Variants in SNX14 observed in about 807,000 individuals in gnomAD.
SNX14 encodes the protein sorting nexin 14.
Under a neutral mutation model 133.8 loss-of-function variants are expected in SNX14, and 93 were observed. The observed-to-expected ratio is 0.70, with a 90% CI of 0.59 to 0.83. The LOEUF (loss-of-function observed/expected upper bound fraction) is 0.83, where lower values mean the gene tolerates loss of function less well. SNX14 is among the 40% of genes least tolerant of loss of function. The probability of loss-of-function intolerance (pLI) is 0.00; values close to 1 mark genes in which losing one functional copy is unlikely to be tolerated. For missense variants in SNX14, 945 were observed against 1,094.9 expected (o/e 0.86, Z 1.93); for synonymous variants, 368 against 365.6 (o/e 1.01, Z -0.07).
chr6:85,548,186 C>A, intron 9 of SNX14, 115 bp downstream of exon 9: 1 of 723,238 alleles, frequency 1.4e-6, no homozygotes. Context: ...GGGATGGTTG[C>A]ACAACAATAT....
chr6:85,577,374 C>A (rs1164810118), intron 1 of SNX14, among the ~76,000 whole-genome samples: 1 of 152,156 alleles, frequency 6.6e-6, no homozygotes, highest in South Asian at 2.1e-4. Flanking sequence ...GCTGAGATCA[C>A]GCCACTGCAC....
chr6:85,544,959 G>A (rs754376251), intron 12 of SNX14, among the ~76,000 whole-genome samples: 1 of 152,172 alleles, frequency 6.6e-6, no homozygotes, highest in Non-Finnish European at 1.5e-5. Context: ...CCACACATGT[G>A]TAGAAGCCTG....
intron 9 of SNX14, 77 bp from the exon 10 acceptor site, chr6:85,547,627 T>C: frequency 8.1e-6 from 10 of 1,232,478 alleles, no homozygotes; most frequent in East Asian, 2.4e-5. Flanking sequence ...ACTTGTATCA[T>C]ATTATGTAAG....
In SNX14 at chr6:85,528,298, T is replaced by A; in HGVS notation, c.1959A>T (p.Leu653Phe). The change falls in exon 20 of 29, where the codon TTA becomes TTT. Residue 653 changes from leucine (L) to phenylalanine (F), a missense_variant. This residue lies in a region of SNX14 where 412 missense variants were observed against 516.6 expected (regional missense o/e 0.80). Transcript: ENST00000314673. ...CTTGGAACTCTTCCCTCTTTGACTT[T>A]AAGAATTCATAATTTTTGGGGCCAA... ...RIIGPKNYEF[L>F]KSKREEFQEY... 6.2e-7 allele frequency: 1 copy of A among 1,613,444 alleles called. No homozygotes were observed. The highest frequency in any genetic ancestry group is 8.5e-7 in the Non-Finnish European group (1 of 1,179,642).
intron 6 of SNX14, among the ~76,000 whole-genome samples, chr6:85,560,338 G>C (rs1791125509): frequency 6.6e-6 from 1 of 152,074 alleles, no homozygotes; most frequent in Non-Finnish European, 1.5e-5. Flanking sequence ...ACATAATATG[G>C]ATAAACCTTG....
Position 85,593,746 on chromosome 6 carries a change from C to A in SNX14, c.-28G>T, listed in dbSNP as rs1803778001. The A allele has an allele frequency of 6.2e-7, 1 of 1,612,710 alleles. No homozygotes were observed. The highest frequency in any genetic ancestry group is 8.5e-7 in the Non-Finnish European group (1 of 1,179,884). Reference sequence around the variant, plus strand: ...CCGTAACGGCGAGGCCGAGACTGCGCTACTGGCTGAGGCAGAGGTCAAGGC... The same window carrying A: ...CCGTAACGGCGAGGCCGAGACTGCGATACTGGCTGAGGCAGAGGTCAAGGC... On this transcript the variant is annotated 5_prime_UTR_variant, in exon 1 of 29. An upstream open reading frame in the 5' UTR loses its in-frame stop. Coordinates refer to ENST00000314673, the MANE Select transcript of SNX14 (RefSeq NM_153816.6).
intron 20 of SNX14, among the ~76,000 whole-genome samples, chr6:85,527,064 T>C (rs1247544976): frequency 1.3e-5 from 2 of 152,020 alleles, no homozygotes; most frequent in African/African-American, 4.8e-5. Flanking sequence ...AGCAAAACTC[T>C]GTCTCAAAAA....
chr6:85,508,534 T>A, intron 26 of SNX14: 1 of 291,364 alleles, frequency 3.4e-6, no homozygotes, highest in Non-Finnish European at 5.1e-6. Flanking sequence ...CTTTTTATTC[T>A]ATATATTTTC....
intron 7 of SNX14, among the ~76,000 whole-genome samples, chr6:85,551,216 G>T (rs1787715119): frequency 6.6e-6 from 1 of 152,110 alleles, no homozygotes; most frequent in Admixed American, 6.6e-5. Flanking sequence ...ATAGATCCAG[G>T]CCACCATAGC....
At chr6:85,513,227 C>A (rs543460249) in intron 26 of SNX14, among the ~76,000 whole-genome samples, 3 of 152,200 alleles carry the variant, frequency 2.0e-5, no homozygotes, top group African/African-American at 7.2e-5. Context: ...GTTACTACCA[C>A]TCATTTCCTT....
At chr6:85,536,686 A>G (rs1782049965) in intron 17 of SNX14, 106 bp downstream of exon 17, 1 of 1,060,096 alleles carries the variant, frequency 9.4e-7, no homozygotes, top group Non-Finnish European at 1.3e-6. Context: ...AGTATTAAAC[A>G]GAATACACAG....
chr6:85,592,825 T>TAAA lies in SNX14; in HGVS notation c.140+751_140+753dup, dbSNP rs11427677. Among the ~76,000 whole-genome samples, 187 of 130,636 alleles carry TAAA rather than the reference T, an allele frequency of 1.4e-3. 2 individuals carry two copies. The highest frequency in any genetic ancestry group is 4.4e-3 in the African/African-American group (155 of 35,066). The allele number at this position is 130,636 out of a possible 152,430, so 85.7% of individuals were successfully genotyped here. A position where few individuals can be genotyped will look rare whatever the true frequency, so the allele number is the denominator to read the frequency against. On this transcript the variant is annotated intron_variant, in intron 1 of 28. Transcript: ENST00000314673. ...TAAAACGGTGAAACCCCGTCTCTAC[T>TAAA]AAAAAAAAAAAAAAAAAATACAAAA...
At chr6:85,518,788 A>G (rs1024849369) in intron 21 of SNX14, among the ~76,000 whole-genome samples, 5 of 152,110 alleles carry the variant, frequency 3.3e-5, no homozygotes, top group Non-Finnish European at 7.4e-5. Context: ...TATTTCTGGT[A>G]TTTCTGGTTC....
intron 21 of SNX14, among the ~76,000 whole-genome samples, chr6:85,522,419 C>T (rs1777183143): frequency 1.3e-5 from 2 of 152,270 alleles, no homozygotes; most frequent in African/African-American, 2.4e-5. Context: ...ACATACACAA[C>T]CTGTTTGATT....
intron 20 of SNX14, 76 bp from the exon 21 acceptor site, chr6:85,526,313 T>A: frequency 1.2e-6 from 1 of 863,744 alleles, no homozygotes; most frequent in Non-Finnish European, 1.8e-6. Context: ...TTAATTTCTT[T>A]AAATTTTAAA....
chr6:85,536,726 T>C, intron 17 of SNX14, 66 bp downstream of exon 17: 1 of 1,476,630 alleles, frequency 6.8e-7, no homozygotes, highest in South Asian at 1.3e-5. Flanking sequence ...ATAATGAGTA[T>C]ATCTAATTTT....
intron 1 of SNX14, chr6:85,589,096 T>C: frequency 3.7e-6 from 1 of 267,620 alleles, no homozygotes; most frequent in Non-Finnish European, 7.6e-6. Flanking sequence ...TGATCTTTCT[T>C]CTACCATTTG....
chr6:85,515,832 A>AT (rs1774778101), intron 23 of SNX14, among the ~76,000 whole-genome samples: 1 of 152,056 alleles, frequency 6.6e-6, no homozygotes, highest in African/African-American at 2.4e-5. Flanking sequence ...AAACAACTCA[A>AT]TTTTGTTTTC....
chr6:85,523,859 C>T (rs993561645), intron 21 of SNX14, among the ~76,000 whole-genome samples: 1 of 152,066 alleles, frequency 6.6e-6, no homozygotes, highest in Non-Finnish European at 1.5e-5. Context: ...GTATCATTAA[C>T]AGAATTACAC....
Sources: allele counts gnomAD v4.1 joint callset (sites outside exome capture counted in the v4.1 genomes callset), GRCh38; gene constraint gnomAD v4.1.1; regional missense constraint gnomAD v4.1.1; transcripts MANE v1.5; gene names NCBI Gene and HGNC (gene_info 2026-07-23, HGNC 2026-07-21).